PTAR1: variants seen among roughly 807,000 people sequenced by gnomAD.
PTAR1 encodes protein prenyltransferase alpha subunit repeat containing 1.
In PTAR1, 17 loss-of-function variants were observed where a neutral mutation model predicts 45.5. That is an observed-to-expected ratio of 0.37 (90% CI 0.26 to 0.56). The LOEUF is 0.56. Ranked by LOEUF, PTAR1 falls within the 20% of genes least tolerant of loss-of-function variation. The probability of loss-of-function intolerance (pLI) is 0.77; values close to 1 mark genes in which losing one functional copy is unlikely to be tolerated. For synonymous variants in PTAR1, 169 were observed against 171.3 expected (o/e 0.99, Z 0.11); for missense variants, 391 against 476.3 (o/e 0.82, Z 1.67).
At position 69,716,771 on chromosome 9, in the gene PTAR1, T is replaced by C. The variant is rs941327935; in HGVS notation, c.*1571A>G. 1 of 152,100 alleles carries C rather than the reference T, an allele frequency of 6.6e-6. No homozygotes were observed. Among genetic ancestry groups the C allele is most frequent in the African/African-American group, 2.4e-5 (1 of 41,412 alleles). 9.4% of individuals were successfully genotyped at this position (152,100 alleles called of 1,614,324 possible). On this transcript the variant is annotated 3_prime_UTR_variant, in exon 8 of 8. Transcript: ENST00000340434. ...GACAGCTTCCATCATTAGGGAAACT[T>C]TTAGAAGGGCCACTCTTCATATTTC...
chr9:69,718,325 G>A lies in PTAR1; in HGVS notation c.*17C>T, dbSNP rs1824813653. 2 of 1,555,752 alleles carry A rather than the reference G, an allele frequency of 1.3e-6. No homozygotes were observed. Among genetic ancestry groups the A allele is most frequent in the African/African-American group, 1.4e-5 (1 of 73,238 alleles). ...ATTGCACTAAAAGGGGAACCTTGTA[G>A]GACTAATTCACCTCTTTCATTGACT... On this transcript the variant is annotated 3_prime_UTR_variant, in exon 8 of 8. Transcript: ENST00000340434.
chr9:69,744,045 A>G (rs1826161597), intron 2 of PTAR1, among the ~76,000 whole-genome samples: 2 of 152,194 alleles, frequency 1.3e-5, no homozygotes, highest in Non-Finnish European at 1.5e-5. Flanking sequence ...CTTCACACAT[A>G]GTCTGCTCTC....
intron 1 of PTAR1, among the ~76,000 whole-genome samples, chr9:69,751,977 C>A (rs897772095): frequency 2.0e-5 from 3 of 152,026 alleles, no homozygotes; most frequent in Non-Finnish European, 4.4e-5. Flanking sequence ...CATTCACATG[C>A]CTTTCAACTC....
intron 6 of PTAR1, among the ~76,000 whole-genome samples, chr9:69,722,935 A>C (rs1160083115): frequency 8.6e-6 from 1 of 115,998 alleles, no homozygotes; most frequent in African/African-American, 3.4e-5. Context: ...GCAAAACTCT[A>C]TCTCAAAAAA....
At chr9:69,734,858 CT>C (rs1308540623) in intron 3 of PTAR1, among the ~76,000 whole-genome samples, 2 of 152,146 alleles carry the variant, frequency 1.3e-5, no homozygotes, top group Non-Finnish European at 2.9e-5. Context: ...CTCATTATAT[CT>C]TAAGAATTTC....
chr9:69,737,142 C>T (rs1825824576), intron 3 of PTAR1, among the ~76,000 whole-genome samples: 1 of 151,900 alleles, frequency 6.6e-6, no homozygotes, highest in African/African-American at 2.4e-5. Flanking sequence ...TACAGTGGCA[C>T]AATCTTGGCT....
intron 1 of PTAR1, among the ~76,000 whole-genome samples, chr9:69,752,097 T>C (rs1826558835): frequency 6.6e-6 from 1 of 152,126 alleles, no homozygotes; most frequent in African/African-American, 2.4e-5. Flanking sequence ...GTAGTTGAAA[T>C]AAATGTTTTT....
chr9:69,755,140 T>A (rs1012143992), intron 1 of PTAR1, among the ~76,000 whole-genome samples: 1 of 152,180 alleles, frequency 6.6e-6, no homozygotes, highest in African/African-American at 2.4e-5. Context: ...GGTATTCAAT[T>A]ACCTGCATAA....
intron 6 of PTAR1, 52 bp from the exon 7 acceptor site, chr9:69,718,736 A>G: frequency 7.1e-7 from 1 of 1,406,494 alleles, no homozygotes; most frequent in South Asian, 1.5e-5. Context: ...TTACAAAGTC[A>G]AGCTTTTCCA....
Position 69,710,857 on chromosome 9 carries a change from A to G in PTAR1, c.*7485T>C, listed in dbSNP as rs1824496210. The G allele has an allele frequency of 6.6e-6, 1 of 152,204 alleles. No homozygotes were observed. The highest frequency in any genetic ancestry group is 2.4e-5 in the African/African-American group (1 of 41,462). 9.4% of individuals were successfully genotyped at this position (152,204 alleles called of 1,614,324 possible). ...TAACTTTTCCATTTAAACATAAACT[A>G]TAAGAAAATCTTAAAACAATATTGA... On this transcript the variant is annotated 3_prime_UTR_variant, in exon 8 of 8. Coordinates refer to ENST00000340434, the MANE Select transcript of PTAR1 (RefSeq NM_001099666.2).
rs1251012808 is a variant in PTAR1, at chr9:69,723,582, C to T, written c.691G>A (p.Val231Ile). Residue 231 changes from valine (V) to isoleucine (I), a missense_variant, in exon 6 of 8, where the codon GTT (valine) becomes ATT (isoleucine). By Grantham distance (29) the Val-to-Ile change is conservative. Coordinates refer to ENST00000340434, the MANE Select transcript of PTAR1 (RefSeq NM_001099666.2). ...TAGTGAAATCCACTGTGGTCTGAAA[C>T]GTGCATAGATGCCCAATGTTTAGTA... ...SSTKHWASMH[V>I]SDHSGFHYRQ... 17 of 1,613,718 alleles carry T rather than the reference C, an allele frequency of 1.1e-5. No individual in the cohort carries two copies. The highest frequency in any genetic ancestry group is 1.3e-5 in the Non-Finnish European group (15 of 1,179,728).
chr9:69,725,438 A>C (rs576090807), intron 5 of PTAR1, among the ~76,000 whole-genome samples: 1 of 151,796 alleles, frequency 6.6e-6, no homozygotes, highest in Non-Finnish European at 1.5e-5. Context: ...AAAAATACAA[A>C]AATTTGCAGG....
In PTAR1 at chr9:69,751,342, T is replaced by TA. The variant is rs202183826; in HGVS notation, c.87-393dup. Among the ~76,000 whole-genome samples, 225 of 143,858 alleles carry TA rather than the reference T, an allele frequency of 1.6e-3. 1 individual carries two copies. The highest frequency in any genetic ancestry group is 3.6e-3 in the African/African-American group (142 of 39,300). The allele number at this position is 143,858 out of a possible 152,430, so 94.4% of individuals were successfully genotyped here. ...TAAATGTTTATCAATATAAGACTAG[T>TA]AAAAAAAAAAGGCCCATCCACATAA... On this transcript the variant is annotated intron_variant, in intron 1 of 7. Coordinates refer to ENST00000340434, the MANE Select transcript of PTAR1 (RefSeq NM_001099666.2).
intron 6 of PTAR1, among the ~76,000 whole-genome samples, chr9:69,719,299 C>G (rs1213558421): frequency 6.6e-6 from 1 of 152,106 alleles, no homozygotes. Flanking sequence ...AGATACAGTT[C>G]CTGTTCTCCC....
At chr9:69,758,678 GCTT>G (rs556151625) in intron 1 of PTAR1, 350 of 412,932 alleles carry the variant, frequency 8.5e-4, no homozygotes, top group African/African-American at 4.2e-3. Context: ...ACATCCAACG[GCTT>G]CTTAACTGTT....
rs2134053111 is a variant in PTAR1, at chr9:69,709,868, A to T, written c.*8474T>A. ...AGCTATATTATTTTGAAGAAACAGG[A>T]CAGAATTTAGTGAACGCAACTTAAA... On this transcript the variant is annotated 3_prime_UTR_variant, in exon 8 of 8. Coordinates refer to ENST00000340434, the MANE Select transcript of PTAR1 (RefSeq NM_001099666.2). The T allele has an allele frequency of 6.6e-6, 1 of 152,278 alleles. No homozygotes were observed. Among genetic ancestry groups the T allele is most frequent in the African/African-American group, 2.4e-5 (1 of 41,572 alleles). The allele number at this position is 152,278 out of a possible 1,614,324, so 9.4% of individuals were successfully genotyped here. A position where few individuals can be genotyped will look rare whatever the true frequency, so the allele number is the denominator to read the frequency against.
chr9:69,733,373 A>G (rs1308541534), intron 4 of PTAR1, among the ~76,000 whole-genome samples: 3 of 152,184 alleles, frequency 2.0e-5, no homozygotes, highest in African/African-American at 7.2e-5. Context: ...GAACGGACAT[A>G]AGATCCTAAA....
Position 69,718,042 on chromosome 9 carries a change from G to C in PTAR1, c.*300C>G, listed in dbSNP as rs558538738. On this transcript the variant is annotated 3_prime_UTR_variant, in exon 8 of 8. Coordinates refer to ENST00000340434, the MANE Select transcript of PTAR1 (RefSeq NM_001099666.2). ...GAGGGGGGTAGAGGTGTGTGTGTGT[G>C]AACCAATCAGGAAAACCAAATGAGA... 1.3e-4 allele frequency: 35 copies of C among 262,318 alleles called. No homozygotes were observed. The highest frequency in any genetic ancestry group is 2.3e-4 in the Non-Finnish European group (32 of 137,370). 16.2% of individuals were successfully genotyped at this position (262,318 alleles called of 1,614,324 possible).
At chr9:69,759,825 T>A (rs1390941428) in intron 1 of PTAR1, 28 bp downstream of exon 1, 2 of 1,509,410 alleles carry the variant, frequency 1.3e-6, no homozygotes, top group Non-Finnish European at 1.8e-6. Flanking sequence ...CCGACGACCC[T>A]CGGAGGCGGC....
Sources: allele counts gnomAD v4.1 joint callset (sites outside exome capture counted in the v4.1 genomes callset), GRCh38; gene constraint gnomAD v4.1.1; transcripts MANE v1.5; gene names NCBI Gene and HGNC (gene_info 2026-07-23, HGNC 2026-07-21).